GALNT13: variants seen among roughly 807,000 people sequenced by gnomAD.
GALNT13 encodes the protein polypeptide N-acetylgalactosaminyltransferase 13.
A neutral mutation model predicts 64.2 loss-of-function variants in GALNT13; 28 were observed. The ratio of observed to expected loss-of-function variants is 0.44; its 90% CI spans 0.32 to 0.60. GALNT13 has a LOEUF of 0.60. GALNT13 is among the 20% of genes least tolerant of loss of function. The pLI, the probability that GALNT13 is intolerant of heterozygous loss-of-function variation, is 0.05. For synonymous variants in GALNT13, 214 were observed against 224.6 expected (o/e 0.95, Z 0.42); for missense variants, 577 against 669.8 (o/e 0.86, Z 1.53).
the GALNT13 span, among the ~76,000 whole-genome samples, chr2:153,091,905 G>A: frequency 2.6e-5 from 4 of 152,154 alleles, no homozygotes; most frequent in African/African-American, 9.7e-5. Context: ...TATTGCTCAA[G>A]AATTTTATGC....
the GALNT13 span, among the ~76,000 whole-genome samples, chr2:153,236,623 C>A: frequency 6.6e-6 from 1 of 152,154 alleles, no homozygotes; most frequent in East Asian, 1.9e-4. Flanking sequence ...GTATGGTTTG[C>A]TGAATATTTT....
chr2:153,449,017 C>G, the GALNT13 span, among the ~76,000 whole-genome samples: 2 of 151,910 alleles, frequency 1.3e-5, no homozygotes, highest in African/African-American at 4.8e-5. Context: ...TGTTTTTCTC[C>G]CTGTCTCTCT....
At chr2:153,908,316 A>G (rs141772803) in intron 2 of GALNT13, among the ~76,000 whole-genome samples, 67 of 152,240 alleles carry the variant, frequency 4.4e-4, no homozygotes, top group African/African-American at 1.5e-3. Context: ...CATAGTTTGC[A>G]TATATATTTC....
chr2:154,363,925 G>T (rs1238404718), intron 9 of GALNT13, among the ~76,000 whole-genome samples: 1 of 151,846 alleles, frequency 6.6e-6, no homozygotes, highest in African/African-American at 2.4e-5. Flanking sequence ...CTATCTAGGG[G>T]GTCTAAAAAA....
rs562777756 is a variant in GALNT13 at position 154,166,564 on chromosome 2, T to C, written c.311+26059T>C. Among the ~76,000 whole-genome samples the C allele has an allele frequency of 2.8e-4, 43 of 152,234 alleles. 1 individual carries two copies. Among genetic ancestry groups the C allele is most frequent in the Non-Finnish European group, 5.0e-4 (34 of 68,038 alleles). ...CTAGTTCAACCATTGTGGAAGACAGTGTGGCAATTCCTCAAGGATCTAGAA... is the reference window on the plus strand; with the variant it reads ...CTAGTTCAACCATTGTGGAAGACAGCGTGGCAATTCCTCAAGGATCTAGAA... On this transcript the variant is annotated intron_variant, in intron 4 of 12. Coordinates refer to ENST00000392825, the MANE Select transcript of GALNT13 (RefSeq NM_052917.4).
chr2:154,209,184 T>C (rs1687634241), intron 4 of GALNT13, among the ~76,000 whole-genome samples: 2 of 152,184 alleles, frequency 1.3e-5, no homozygotes, highest in Admixed American at 1.3e-4. Flanking sequence ...GAGCAAGTGA[T>C]GTTTCCAACT....
the GALNT13 span, among the ~76,000 whole-genome samples, chr2:153,141,364 T>C: frequency 1.3e-5 from 2 of 151,974 alleles, no homozygotes; most frequent in Admixed American, 1.3e-4. Flanking sequence ...GCCCTATGAA[T>C]GAGCAGAGAT....
chr2:153,510,611 T>C, the GALNT13 span, among the ~76,000 whole-genome samples: 235 of 152,262 alleles, frequency 1.5e-3, no homozygotes, highest in Admixed American at 4.5e-3. Context: ...ATGAACAAAA[T>C]TGACCAAGCC....
the GALNT13 span, among the ~76,000 whole-genome samples, chr2:153,325,282 C>A: frequency 6.6e-6 from 1 of 151,920 alleles, no homozygotes; most frequent in Non-Finnish European, 1.5e-5. Context: ...AGTTTATGTG[C>A]ACTGAGATGT....
intron 3 of GALNT13, among the ~76,000 whole-genome samples, chr2:154,052,324 C>A (rs1407643871): frequency 6.6e-6 from 1 of 152,182 alleles, no homozygotes; most frequent in African/African-American, 2.4e-5. Flanking sequence ...TAACTCATCT[C>A]CATACATTCT....
intron 4 of GALNT13, among the ~76,000 whole-genome samples, chr2:154,171,867 A>C (rs961604097): frequency 2.6e-5 from 4 of 151,882 alleles, no homozygotes; most frequent in Admixed American, 2.0e-4. Flanking sequence ...TCTGTTATGA[A>C]CTTATTATTA....
At chr2:153,695,749 C>A in the GALNT13 span, among the ~76,000 whole-genome samples, 1 of 152,098 alleles carries the variant, frequency 6.6e-6, no homozygotes, top group Non-Finnish European at 1.5e-5. Context: ...AAGGAATAAA[C>A]ATTACACAGA....
the GALNT13 span, among the ~76,000 whole-genome samples, chr2:153,581,318 T>C: frequency 6.6e-6 from 1 of 152,164 alleles, no homozygotes; most frequent in Admixed American, 6.5e-5. Context: ...CAGCTGCTTC[T>C]AGTGTGTTCA....
At chr2:154,347,208 A>C (rs558266357) in intron 9 of GALNT13, among the ~76,000 whole-genome samples, 1 of 152,202 alleles carries the variant, frequency 6.6e-6, no homozygotes, top group African/African-American at 2.4e-5. Flanking sequence ...TGCTTTGTTC[A>C]GTACTTGTAT....
intron 3 of GALNT13, among the ~76,000 whole-genome samples, chr2:153,987,325 G>A (rs1420666715): frequency 6.6e-6 from 1 of 151,814 alleles, no homozygotes; most frequent in Admixed American, 6.6e-5. Flanking sequence ...GGATTTGAGA[G>A]CCTCATAATT....
At chr2:153,509,670 A>G in the GALNT13 span, among the ~76,000 whole-genome samples, 3 of 152,192 alleles carry the variant, frequency 2.0e-5, no homozygotes, top group East Asian at 5.8e-4. Context: ...CTCTCTGTGT[A>G]TGTGTGTGAA....
chr2:153,387,691 C>A, the GALNT13 span, among the ~76,000 whole-genome samples: 4 of 152,056 alleles, frequency 2.6e-5, no homozygotes, highest in Admixed American at 6.6e-5. Context: ...CAACACAACT[C>A]TTAAACTGTA....
chr2:153,794,221 A>G, the GALNT13 span, among the ~76,000 whole-genome samples: 16 of 152,328 alleles, frequency 1.1e-4, no homozygotes, highest in African/African-American at 3.6e-4. Flanking sequence ...AATTTAAAAA[A>G]CAGAAAAATT....
intron 4 of GALNT13, among the ~76,000 whole-genome samples, chr2:154,215,962 A>G (rs1244229144): frequency 6.6e-6 from 1 of 151,944 alleles, no homozygotes; most frequent in Non-Finnish European, 1.5e-5. Context: ...GTTAGAATAA[A>G]TTTTAAAATA....
Sources: gnomAD v4.1 joint callset for allele counts (sites outside exome capture counted in the v4.1 genomes callset) on GRCh38, gnomAD v4.1.1 for gene constraint, MANE v1.5 for transcripts, NCBI Gene and HGNC (gene_info 2026-07-23, HGNC 2026-07-21) for gene names.